The following DCAF8L2 variants were observed in gnomAD, a reference collection of about 807,000 sequenced individuals.
DCAF8L2 encodes DDB1 and CUL4 associated factor 8 like 2.
For synonymous variants in DCAF8L2, 200 were observed against 190.9 expected, an observed-to-expected ratio of 1.05 and a Z score of -0.39; for missense variants, 430 against 490.7, an observed-to-expected ratio of 0.88 and a Z score of 1.17.
chrX:27,587,990 A>G (rs1425973957), upstream of DCAF8L2, among the ~76,000 whole-genome samples: 1 of 11,914 alleles, frequency 8.4e-5, no homozygotes, highest in Non-Finnish European at 2.7e-4. Context: ...AAAAAAATAT[A>G]TATATATATA....
At chrX:27,638,900 T>C (rs765669932) in intron 2 of DCAF8L2, among the ~76,000 whole-genome samples, 3 of 111,670 alleles carry the variant, frequency 2.7e-5, no homozygotes, top group African/African-American at 9.8e-5. Flanking sequence ...AGCCTGAGAA[T>C]GCACAACTTT....
chrX:27,582,587 T>G, the DCAF8L2 span, among the ~76,000 whole-genome samples: 1 of 111,819 alleles, frequency 8.9e-6, no homozygotes, highest in African/African-American at 3.2e-5. Flanking sequence ...ACCACAAACA[T>G]GATATTGTGC....
chrX:27,542,529 C>T, the DCAF8L2 span, among the ~76,000 whole-genome samples: 1 of 90,285 alleles, frequency 1.1e-5, no homozygotes, highest in East Asian at 3.7e-4. Context: ...ATGTCCTTTG[C>T]CTACTTTTTT....
chrX:27,685,878 C>T (rs191375890), intron 3 of DCAF8L2, among the ~76,000 whole-genome samples: 10,525 of 111,246 alleles, frequency 0.095, 470 homozygotes, highest in East Asian at 0.34. Flanking sequence ...ACTCAAATAA[C>T]TCAATAGCAA....
the DCAF8L2 span, among the ~76,000 whole-genome samples, chrX:27,528,499 T>TATATATATAC: frequency 9.7e-6 from 1 of 102,995 alleles, no homozygotes; most frequent in African/African-American, 3.5e-5. Flanking sequence ...TATATATATA[T>TATATATATAC]ATACACACAC....
At chrX:27,678,805 T>C (rs999207824) in intron 3 of DCAF8L2, among the ~76,000 whole-genome samples, 12 of 111,882 alleles carry the variant, frequency 1.1e-4, no homozygotes, top group African/African-American at 3.6e-4. Flanking sequence ...CACTGAACTA[T>C]ATGCTTCAAA....
chrX:27,584,645 A>G, the DCAF8L2 span, among the ~76,000 whole-genome samples: 1 of 111,800 alleles, frequency 8.9e-6, no homozygotes, highest in Admixed American at 9.6e-5. Flanking sequence ...ATGTTCAAAA[A>G]GAAAACTCAG....
At chrX:27,566,114 A>C in the DCAF8L2 span, among the ~76,000 whole-genome samples, 1 of 107,793 alleles carries the variant, frequency 9.3e-6, no homozygotes, top group Non-Finnish European at 1.9e-5. Flanking sequence ...GTCTTAGCCA[A>C]CTCCCGCCCC....
chrX:27,487,203 TCTC>T, the DCAF8L2 span, among the ~76,000 whole-genome samples: 1 of 112,373 alleles, frequency 8.9e-6, no homozygotes, highest in African/African-American at 3.2e-5. Context: ...CACCAGTTAT[TCTC>T]TTCTTCTTCT....
chrX:27,532,383 C>G, the DCAF8L2 span, among the ~76,000 whole-genome samples: 1 of 111,477 alleles, frequency 9.0e-6, no homozygotes, highest in Non-Finnish European at 1.9e-5. Context: ...CTAGCCAAAT[C>G]TGAGACAATT....
chrX:27,666,644 G>C (rs1929750295), intron 2 of DCAF8L2, among the ~76,000 whole-genome samples: 1 of 112,166 alleles, frequency 8.9e-6, no homozygotes, highest in Admixed American at 9.5e-5. Context: ...GCAATTGAAA[G>C]ATTATAATTT....
intron 1 of DCAF8L2, among the ~76,000 whole-genome samples, chrX:27,611,679 T>A (rs1288580319): frequency 9.2e-6 from 1 of 108,353 alleles, no homozygotes; most frequent in Non-Finnish European, 1.9e-5. Context: ...CACCTGTGAG[T>A]GAGAACATGC....
intron 2 of DCAF8L2, among the ~76,000 whole-genome samples, chrX:27,677,429 G>A (rs1426487617): frequency 1.8e-5 from 2 of 112,110 alleles, no homozygotes; most frequent in African/African-American, 6.5e-5. Context: ...TTGAGAGCCT[G>A]TGAGAGGAGT....
At chrX:27,562,789 G>A in the DCAF8L2 span, among the ~76,000 whole-genome samples, 1 of 111,999 alleles carries the variant, frequency 8.9e-6, no homozygotes, top group Admixed American at 9.5e-5. Context: ...CTTTGATAAA[G>A]GTATTCTCTG....
chrX:27,590,821 T>A (rs1602630338), intron 1 of DCAF8L2, among the ~76,000 whole-genome samples: 1 of 107,648 alleles, frequency 9.3e-6, no homozygotes, highest in African/African-American at 3.3e-5. Context: ...TTCATATTTT[T>A]AAAATTGAAA....
chrX:27,578,332 T>C, the DCAF8L2 span, among the ~76,000 whole-genome samples: 1 of 111,761 alleles, frequency 8.9e-6, no homozygotes, highest in Non-Finnish European at 1.9e-5. Context: ...ATTTAATAAA[T>C]GGTGCTGGGA....
At chrX:27,565,725 G>C in the DCAF8L2 span, among the ~76,000 whole-genome samples, 2 of 111,573 alleles carry the variant, frequency 1.8e-5, no homozygotes, top group Admixed American at 1.9e-4. Context: ...CACGACCAAG[G>C]AGTGTGGACA....
chrX:27,609,752 G>A (rs1302953912), intron 1 of DCAF8L2, among the ~76,000 whole-genome samples: 1 of 111,435 alleles, frequency 9.0e-6, no homozygotes, highest in African/African-American at 3.3e-5. Flanking sequence ...TTCCAGTAGA[G>A]AACAACTGTT....
chrX:27,502,332 AAAAATATATATATATATAT>A, the DCAF8L2 span, among the ~76,000 whole-genome samples: 1 of 34,064 alleles, frequency 2.9e-5, no homozygotes, highest in Non-Finnish European at 4.6e-5. Context: ...AAAAAAAAAA[AAAAATATATATATATATAT>A]ATATATATAT....
Sources: gnomAD v4.1 joint callset for allele counts (sites outside exome capture counted in the v4.1 genomes callset) on GRCh38, gnomAD v4.1.1 for gene constraint, MANE v1.5 for transcripts, NCBI Gene and HGNC (gene_info 2026-07-23, HGNC 2026-07-21) for gene names.